MAP3K5: variants seen among roughly 807,000 people sequenced by gnomAD.
The protein encoded by MAP3K5 is ASK-1.
In MAP3K5, 56 loss-of-function variants were observed where a neutral mutation model predicts 158.7. The ratio of observed to expected loss-of-function variants is 0.35; its 90% CI spans 0.28 to 0.44. The LOEUF is 0.44. Among genes scored for constraint, MAP3K5 ranks in the 20% least tolerant of loss-of-function variants. The probability of loss-of-function intolerance (pLI) is 1.00; values close to 1 mark genes in which losing one functional copy is unlikely to be tolerated. For missense variants in MAP3K5, 1,294 were observed against 1,674.8 expected, an observed-to-expected ratio of 0.77 and a Z score of 3.97; for synonymous variants, 579 against 601.7, an observed-to-expected ratio of 0.96 and a Z score of 0.55.
chr6:136,657,387 C>G (rs1385924562), intron 9 of MAP3K5, among the ~76,000 whole-genome samples: 1 of 152,088 alleles, frequency 6.6e-6, no homozygotes, highest in Non-Finnish European at 1.5e-5. Context: ...GCTGCGAGTA[C>G]CATTGCATAG....
intron 1 of MAP3K5, among the ~76,000 whole-genome samples, chr6:136,724,954 A>C (rs189864903): frequency 4.6e-5 from 7 of 152,244 alleles, no homozygotes; most frequent in Admixed American, 3.3e-4. Flanking sequence ...CCCAAATCCC[A>C]GTCCCTGGCA....
chr6:136,771,107 G>C lies in MAP3K5; in HGVS notation c.448+20603C>G, dbSNP rs1040435146. Among the ~76,000 whole-genome samples, 11 of 152,238 alleles carry C rather than the reference G, an allele frequency of 7.2e-5. No homozygotes were observed. In the East Asian group the frequency reaches 7.7e-4, roughly 11 times the overall value. On this transcript the variant is annotated intron_variant, in intron 1 of 29. Coordinates refer to ENST00000359015, the MANE Select transcript of MAP3K5 (RefSeq NM_005923.4). ...GGCCAGCCAGCAGGTATGGAGAGTA[G>C]AGCAGATGCTTAACCTACAGCTCTG...
intron 25 of MAP3K5, among the ~76,000 whole-genome samples, chr6:136,568,175 A>G (rs1425524909): frequency 6.6e-6 from 1 of 152,256 alleles, no homozygotes; most frequent in Non-Finnish European, 1.5e-5. Context: ...AATGCTAGGA[A>G]TCTGAAAGAA....
chr6:136,610,228 G>T (rs1776272008), intron 18 of MAP3K5, among the ~76,000 whole-genome samples: 1 of 151,884 alleles, frequency 6.6e-6, no homozygotes, highest in Admixed American at 6.6e-5. Context: ...ACTAAATGGA[G>T]ATCAGGTTTG....
intron 1 of MAP3K5, among the ~76,000 whole-genome samples, chr6:136,752,453 C>T (rs1188896447): frequency 6.6e-6 from 1 of 152,154 alleles, no homozygotes; most frequent in East Asian, 1.9e-4. Flanking sequence ...GCTCTGTCTT[C>T]CAGGCTGGAG....
At chr6:136,572,384 G>C (rs1454946574) in intron 25 of MAP3K5, among the ~76,000 whole-genome samples, 1 of 152,080 alleles carries the variant, frequency 6.6e-6, no homozygotes. Flanking sequence ...TCAGCCTTCC[G>C]AGTAGCTGGG....
intron 1 of MAP3K5, among the ~76,000 whole-genome samples, chr6:136,774,610 A>G (rs866262210): frequency 2.6e-5 from 4 of 152,248 alleles, no homozygotes; most frequent in African/African-American, 7.2e-5. Context: ...TACAGGTCAC[A>G]CACTGATACA....
chr6:136,711,227 C>T (rs1327017041), intron 2 of MAP3K5, among the ~76,000 whole-genome samples: 1 of 151,926 alleles, frequency 6.6e-6, no homozygotes, highest in Non-Finnish European at 1.5e-5. Flanking sequence ...CATCCTTTTG[C>T]AGAACATATG....
chr6:136,774,047 C>T (rs1025339436), intron 1 of MAP3K5, among the ~76,000 whole-genome samples: 17 of 152,026 alleles, frequency 1.1e-4, no homozygotes, highest in Non-Finnish European at 4.4e-5. Flanking sequence ...CTCATTTTTT[C>T]CATGATTTAT....
At chr6:136,571,770 G>A (rs1216280805) in intron 25 of MAP3K5, among the ~76,000 whole-genome samples, 1 of 152,188 alleles carries the variant, frequency 6.6e-6, no homozygotes, top group Non-Finnish European at 1.5e-5. Flanking sequence ...TATACACCCA[G>A]AAGAGAAATT....
At chr6:136,623,035 T>C in intron 14 of MAP3K5, 54 bp from the exon 15 acceptor site, 2 of 1,569,292 alleles carry the variant, frequency 1.3e-6, no homozygotes, top group Non-Finnish European at 1.7e-6. Flanking sequence ...ATTCTACATT[T>C]CAAACATCAA....
intron 26 of MAP3K5, 108 bp from the exon 27 acceptor site, chr6:136,562,723 T>A (rs1021464034): frequency 3.6e-6 from 2 of 549,890 alleles, no homozygotes; most frequent in African/African-American, 2.0e-5. Flanking sequence ...CTAGGCTGAG[T>A]GTAGTGGCCC....
rs562356592 is a variant in MAP3K5, at chr6:136,585,473, C to CTTTCTTTCTTTA, written c.3226-1734_3226-1733insTAAAGAAAGAAA. 4.1e-4 allele frequency among the ~76,000 whole-genome samples: 56 copies of CTTTCTTTCTTTA among 135,144 alleles called. 1 individual carries two copies. The highest frequency in any genetic ancestry group is 1.3e-3 in the African/African-American group (48 of 36,776). The allele number at this position is 135,144 out of a possible 152,430, so 88.7% of individuals were successfully genotyped here. Reference sequence around the variant, plus strand: ...CATATTGCTTCCTTTCTTTTCTTTTCTTTATTTATTTATTTATTTATTTAT... The same window carrying CTTTCTTTCTTTA: ...CATATTGCTTCCTTTCTTTTCTTTTCTTTCTTTCTTTATTTATTTATTTATTTATTTATTTAT... On this transcript the variant is annotated intron_variant, in intron 23 of 29. Coordinates refer to ENST00000359015, the MANE Select transcript of MAP3K5 (RefSeq NM_005923.4).
At chr6:136,727,315 T>G (rs145058028) in intron 1 of MAP3K5, among the ~76,000 whole-genome samples, 103 of 152,374 alleles carry the variant, frequency 6.8e-4, no homozygotes, top group Middle Eastern at 3.4e-3. Flanking sequence ...TATATGCTTT[T>G]CAAATATTAA....
In MAP3K5 at chr6:136,592,312, C is replaced by A. The variant is rs1409411718; in HGVS notation, c.3086G>T (p.Ser1029Ile). The A allele has an allele frequency of 6.3e-7, 1 of 1,597,950 alleles. No homozygotes were observed. The change falls in exon 23 of 30, where the codon AGT (serine) becomes ATT (isoleucine). Residue 1029 changes from serine (S) to isoleucine (I), a missense_variant. By Grantham distance (142) the Ser-to-Ile change is moderately radical (BLOSUM62 -2). This residue lies in a region of MAP3K5 where 362 missense variants were observed against 463.2 expected (regional missense o/e 0.78). Coordinates refer to ENST00000359015, the MANE Select transcript of MAP3K5 (RefSeq NM_005923.4). ...TTTTTCTTCAGGGGAAGGAGGAGCA[C>A]TGTGATCTTCAAAATTCTCATCTGG... is the stretch of plus-strand genomic sequence containing the variant. ...GIPDENFEDH[S>I]APPSPEEKDS... is the part of the protein sequence containing the mutation.
intron 1 of MAP3K5, among the ~76,000 whole-genome samples, chr6:136,787,193 T>C (rs912956166): frequency 3.9e-5 from 6 of 152,216 alleles, no homozygotes; most frequent in African/African-American, 1.4e-4. Flanking sequence ...CGAGACCCCA[T>C]TCTCCACAAA....
At chr6:136,581,714 C>A (rs1583216376) in intron 24 of MAP3K5, among the ~76,000 whole-genome samples, 1 of 152,232 alleles carries the variant, frequency 6.6e-6, no homozygotes, top group Non-Finnish European at 1.5e-5. Context: ...GGAAATGAAC[C>A]CTTGCTAGGT....
chr6:136,663,784 A>AT (rs927844694), intron 8 of MAP3K5, among the ~76,000 whole-genome samples: 20 of 151,064 alleles, frequency 1.3e-4, no homozygotes, highest in South Asian at 2.1e-4. Context: ...TAATTTTTGT[A>AT]TTTTTTTTAG....
chr6:136,567,550 T>A, intron 26 of MAP3K5, 81 bp downstream of exon 26: 1 of 1,400,032 alleles, frequency 7.1e-7, no homozygotes, highest in Non-Finnish European at 9.7e-7. Flanking sequence ...GATAAGGGAA[T>A]CATATTCTGT....
Sources: gnomAD v4.1 joint callset for allele counts (sites outside exome capture counted in the v4.1 genomes callset) on GRCh38, gnomAD v4.1.1 for gene constraint, gnomAD v4.1.1 regional missense constraint, MANE v1.5 for transcripts, NCBI Gene and HGNC (gene_info 2026-07-23, HGNC 2026-07-21) for gene names.